Variants in PANK2 observed in about 807,000 individuals in gnomAD.
PANK2 encodes the protein pantothenate kinase 2.
Under a neutral mutation model 43.1 loss-of-function variants are expected in PANK2, and 36 were observed. That is an observed-to-expected ratio of 0.84 (90% CI 0.64 to 1.10). PANK2 has a LOEUF of 1.10. Among genes scored for constraint, PANK2 ranks in the 50% least tolerant of loss-of-function variants. The pLI, the probability that PANK2 is intolerant of heterozygous loss-of-function variation, is 0.00. For missense variants in PANK2, 576 were observed against 593.3 expected (o/e 0.97, Z 0.30); for synonymous variants, 281 against 238.2 (o/e 1.18, Z -1.66).
Position 3,929,465 on chromosome 20 carries a change from CAT to C in PANK2, c.*6172_*6173del, listed in dbSNP as rs2090787439. 2 of 152,288 alleles carry C rather than the reference CAT, an allele frequency of 1.3e-5. No homozygotes were observed. Among genetic ancestry groups the C allele is most frequent in the Admixed American group, 6.5e-5 (1 of 15,292 alleles). 9.4% of individuals were successfully genotyped at this position (152,288 alleles called of 1,614,324 possible). ...GACGCTGGACATTCAGGCATATCCACATGAGACTCACTGTGCACTTGCTCAGT... is the reference window on the plus strand; with the variant it reads ...GACGCTGGACATTCAGGCATATCCACGAGACTCACTGTGCACTTGCTCAGT... On this transcript the variant is annotated 3_prime_UTR_variant, in exon 7 of 7. Transcript: ENST00000610179.
At chr20:3,899,174 G>C (rs1159384270) in intron 1 of PANK2, among the ~76,000 whole-genome samples, 1 of 148,944 alleles carries the variant, frequency 6.7e-6, no homozygotes, top group East Asian at 2.0e-4. Flanking sequence ...GTGCCCAGCC[G>C]GGTTTTTTTT....
intron 6 of PANK2, 102 bp from the exon 7 acceptor site, chr20:3,923,142 T>C: frequency 7.6e-7 from 1 of 1,323,434 alleles, no homozygotes; most frequent in Non-Finnish European, 1.1e-6. Context: ...ATGGGTATGC[T>C]GTGTGTGGGC....
chr20:3,915,954 C>G (rs2146885011), intron 4 of PANK2, among the ~76,000 whole-genome samples: 1 of 152,260 alleles, frequency 6.6e-6, no homozygotes, highest in South Asian at 2.1e-4. Context: ...TTTGGCTATT[C>G]TGGGTACCTT....
chr20:3,929,812 G>A lies in PANK2; in HGVS notation c.*6518G>A, dbSNP rs1236723669. On this transcript the variant is annotated 3_prime_UTR_variant, in exon 7 of 7. Transcript: ENST00000610179. The stretch of plus-strand genomic sequence containing the variant: ...TAGCTGGGCATTTGGGGTAAGGGAG[G>A]GACTGCAGATTCTGATTTGTACAGA... 6.6e-6 allele frequency: 1 copy of A among 152,180 alleles called. No homozygotes were observed. The highest frequency in any genetic ancestry group is 1.5e-5 in the Non-Finnish European group (1 of 68,034). The allele number at this position is 152,180 out of a possible 1,614,324, so 9.4% of individuals were successfully genotyped here.
chr20:3,889,428 A>G lies in PANK2; in HGVS notation c.-3A>G, dbSNP rs1417920224. 33 of 1,565,728 alleles carry G rather than the reference A, an allele frequency of 2.1e-5. No homozygotes were observed. Among genetic ancestry groups the G allele is most frequent in the Non-Finnish European group, 2.6e-5 (30 of 1,160,246 alleles). ...CGCGGAGGAGGCGAGAAGGAATCCGACGCTGGGGGGCTTGCTCGGGCGGCA... is the reference window on the plus strand; with the variant it reads ...CGCGGAGGAGGCGAGAAGGAATCCGGCGCTGGGGGGCTTGCTCGGGCGGCA... On this transcript the variant is annotated 5_prime_UTR_variant, in exon 1 of 7. Transcript: ENST00000610179.
At chr20:3,897,510 G>A (rs907457668) in intron 1 of PANK2, among the ~76,000 whole-genome samples, 9 of 151,980 alleles carry the variant, frequency 5.9e-5, no homozygotes, top group Non-Finnish European at 1.3e-4. Context: ...AGACCAGTCC[G>A]GGCAACATGG....
intron 1 of PANK2, among the ~76,000 whole-genome samples, chr20:3,894,568 TCAA>T (rs948460884): frequency 2.0e-4 from 30 of 151,748 alleles, no homozygotes; most frequent in African/African-American, 6.5e-4. Flanking sequence ...TATTGATTTA[TCAA>T]CTTTTTATTT....
intron 1 of PANK2, among the ~76,000 whole-genome samples, chr20:3,893,942 T>G (rs1913909764): frequency 6.7e-6 from 1 of 149,584 alleles, no homozygotes; most frequent in Non-Finnish European, 1.5e-5. Context: ...TTTTTTTTTT[T>G]TTTTTTTTAG....
intron 1 of PANK2, among the ~76,000 whole-genome samples, 177 bp from the exon 2 acceptor site, chr20:3,907,749 T>C (rs1428080940): frequency 6.6e-6 from 1 of 152,352 alleles, no homozygotes; most frequent in African/African-American, 2.4e-5. Context: ...CGTAGTATTT[T>C]TTTTTTAAGT....
chr20:3,917,448 C>A, intron 5 of PANK2: 1 of 534,540 alleles, frequency 1.9e-6, no homozygotes, highest in Non-Finnish European at 3.8e-6. Context: ...CTGAGCAGGC[C>A]GAGGGGTGCC....
intron 1 of PANK2, among the ~76,000 whole-genome samples, chr20:3,894,430 A>G (rs1400870422): frequency 1.4e-5 from 2 of 139,824 alleles, no homozygotes; most frequent in East Asian, 2.2e-4. Context: ...AGTAGAGACA[A>G]GGTTTCTCCA....
chr20:3,897,879 C>A (rs1339178310), intron 1 of PANK2, among the ~76,000 whole-genome samples: 2 of 150,904 alleles, frequency 1.3e-5, no homozygotes, highest in Non-Finnish European at 3.0e-5. Flanking sequence ...GTGGTACGAG[C>A]CTGTAATCCC....
At position 3,889,642 on chromosome 20, in the gene PANK2, G is replaced by T. The variant is rs921606020; in HGVS notation, c.212G>T (p.Gly71Val). The T allele has an allele frequency of 1.2e-5, 19 of 1,579,646 alleles. No individual in the cohort carries two copies. The highest frequency in any genetic ancestry group is 1.5e-5 in the Non-Finnish European group (18 of 1,171,480). The stretch of plus-strand genomic sequence containing the variant: ...CCCGCGGTCGGGGCCTCGGCTGAGG[G>T]CACGAGGCGGGATCGACTGGGCTCT... Residue 71 changes from glycine to valine, a missense_variant, in exon 1 of 7, where the codon GGC becomes GTC. This residue lies in a region of PANK2 where 544 missense variants were observed against 528.9 expected (regional missense o/e 1.03). Coordinates refer to ENST00000610179, the MANE Select transcript of PANK2 (RefSeq NM_001386393.1).
intron 1 of PANK2, among the ~76,000 whole-genome samples, chr20:3,892,872 T>G (rs997737863): frequency 1.3e-5 from 2 of 152,124 alleles, no homozygotes; most frequent in African/African-American, 4.8e-5. Context: ...CCAGACTTAC[T>G]GCATCAGAAT....
In PANK2 at chr20:3,912,590, G is replaced by A. The variant is rs768111750; in HGVS notation, c.1038G>A (p.Gly346=). The A allele has an allele frequency of 8.7e-6, 14 of 1,613,960 alleles. No individual in the cohort carries two copies. The highest frequency in any genetic ancestry group is 2.2e-5 in the South Asian group (2 of 91,082). Residue 346 remains glycine, a synonymous_variant, in exon 4 of 7, where the codon GGG becomes GGA. Coordinates refer to ENST00000610179, the MANE Select transcript of PANK2 (RefSeq NM_001386393.1). Reference sequence around the variant, plus strand: ...AACTAGTACGAGATATTTATGGAGGGGACTATGAGAGGTTTGGACTGCCAG... The same window carrying A: ...AACTAGTACGAGATATTTATGGAGGAGACTATGAGAGGTTTGGACTGCCAG...
intron 6 of PANK2, among the ~76,000 whole-genome samples, chr20:3,919,812 A>G (rs754289837): frequency 2.6e-5 from 4 of 152,222 alleles, no homozygotes; most frequent in Non-Finnish European, 5.9e-5. Context: ...TTAACAGTCT[A>G]TATGAATTAA....
In PANK2 at chr20:3,929,302, G is replaced by A. The variant is rs2090783863; in HGVS notation, c.*6008G>A. 1 of 152,276 alleles carries A rather than the reference G, an allele frequency of 6.6e-6. No homozygotes were observed. The highest frequency in any genetic ancestry group is 2.4e-5 in the African/African-American group (1 of 41,444). 9.4% of individuals were successfully genotyped at this position (152,276 alleles called of 1,614,324 possible). A position where few individuals can be genotyped will look rare whatever the true frequency, so the allele number is the denominator to read the frequency against. On this transcript the variant is annotated 3_prime_UTR_variant, in exon 7 of 7. Transcript: ENST00000610179. ...ACCTGTAGACGCAGCTACAGACTGA[G>A]GCGGGAGGATCACTTGAGTCCAGGA...
intron 5 of PANK2, among the ~76,000 whole-genome samples, chr20:3,918,347 G>A (rs2090595166): frequency 6.6e-6 from 1 of 151,546 alleles, no homozygotes; most frequent in Non-Finnish European, 1.5e-5. Flanking sequence ...TGTCCTTTTG[G>A]ATTGGAGTCA....
At chr20:3,903,763 G>A (rs1312105015) in intron 1 of PANK2, among the ~76,000 whole-genome samples, 4 of 150,926 alleles carry the variant, frequency 2.7e-5, no homozygotes, top group African/African-American at 9.7e-5. Flanking sequence ...TAGTAGCTGG[G>A]ATTAGAGGCA....
Sources: gnomAD v4.1 joint callset for allele counts (sites outside exome capture counted in the v4.1 genomes callset) on GRCh38, gnomAD v4.1.1 for gene constraint, gnomAD v4.1.1 regional missense constraint, MANE v1.5 for transcripts, NCBI Gene and HGNC (gene_info 2026-07-23, HGNC 2026-07-21) for gene names.